FGF14: variants seen among roughly 807,000 people sequenced by gnomAD.
FGF14 encodes fibroblast growth factor 14.
Under a neutral mutation model 25.5 loss-of-function variants are expected in FGF14, and 5 were observed. The ratio of observed to expected loss-of-function variants is 0.20; its 90% CI spans 0.10 to 0.41. The LOEUF (loss-of-function observed/expected upper bound fraction) is 0.41. Among genes scored for constraint, FGF14 ranks in the 10% least tolerant of loss-of-function variants. The pLI is 1.00. For missense variants in FGF14, 222 were observed against 320.1 expected (o/e 0.69, Z 2.34); for synonymous variants, 138 against 118.3 (o/e 1.17, Z -1.08).
intron 1 of FGF14, among the ~76,000 whole-genome samples, chr13:102,120,857 C>T (rs1315743519): frequency 3.3e-5 from 5 of 152,106 alleles, no homozygotes; most frequent in African/African-American, 1.2e-4. Flanking sequence ...GCGCCTGCCA[C>T]CACACCCAGC....
At chr13:102,217,961 T>A (rs963304205) in intron 1 of FGF14, among the ~76,000 whole-genome samples, 1 of 152,106 alleles carries the variant, frequency 6.6e-6, no homozygotes, top group African/African-American at 2.4e-5. Flanking sequence ...GTAAAAAAAA[T>A]ATGCACATAT....
At chr13:101,737,810 T>A (rs895591780) in intron 3 of FGF14, among the ~76,000 whole-genome samples, 4 of 152,158 alleles carry the variant, frequency 2.6e-5, no homozygotes, top group Admixed American at 1.3e-4. Flanking sequence ...TTCAACCACA[T>A]TTTAAATTAG....
At chr13:101,752,700 G>C (rs2037367475) in intron 3 of FGF14, among the ~76,000 whole-genome samples, 1 of 152,072 alleles carries the variant, frequency 6.6e-6, no homozygotes, top group Non-Finnish European at 1.5e-5. Context: ...AGTTCATCAG[G>C]AACTCATGTT....
At chr13:101,767,877 G>C (rs1456345484) in intron 3 of FGF14, among the ~76,000 whole-genome samples, 3 of 152,264 alleles carry the variant, frequency 2.0e-5, no homozygotes, top group South Asian at 2.1e-4. Flanking sequence ...AAATTTTAAA[G>C]TGTGGATTTG....
At chr13:102,261,500 T>C (rs2052713530) in intron 1 of FGF14, among the ~76,000 whole-genome samples, 1 of 152,194 alleles carries the variant, frequency 6.6e-6, no homozygotes, top group Non-Finnish European at 1.5e-5. Flanking sequence ...TAATTATAGC[T>C]CATCAGCACA....
At chr13:101,723,268 A>AACACACAC (rs36111495) in intron 4 of FGF14, among the ~76,000 whole-genome samples, 64 of 150,148 alleles carry the variant, frequency 4.3e-4, no homozygotes, top group Middle Eastern at 3.4e-3. Flanking sequence ...CATGATGTAA[A>AACACACAC]ACACACACAC....
intron 3 of FGF14, among the ~76,000 whole-genome samples, chr13:101,804,480 C>T (rs936209169): frequency 6.6e-6 from 1 of 152,148 alleles, no homozygotes; most frequent in Non-Finnish European, 1.5e-5. Context: ...AGGGAGTTAT[C>T]CTGCATGCTG....
intron 1 of FGF14, among the ~76,000 whole-genome samples, chr13:102,087,410 T>TTTTTTC (rs1555355132): frequency 3.1e-5 from 4 of 129,268 alleles, no homozygotes; most frequent in African/African-American, 1.2e-4. Context: ...GTAATTTCTT[T>TTTTTTC]TTTTTTTTTT....
At chr13:101,883,827 C>T (rs2045844146) in intron 1 of FGF14, among the ~76,000 whole-genome samples, 1 of 151,898 alleles carries the variant, frequency 6.6e-6, no homozygotes, top group Non-Finnish European at 1.5e-5. Context: ...CTTTGGGAGG[C>T]AGAGGCTGGC....
rs1314843513 is a variant in FGF14 at position 102,268,087 on chromosome 13, A to C, written c.208+133384T>G. Among the ~76,000 whole-genome samples the C allele has an allele frequency of 2.0e-5, 3 of 152,200 alleles. No homozygotes were observed. The East Asian group carries it at 5.8e-4, about 29-fold the overall frequency. ...AATCAATAAATGTAAATGGAATAAA[A>C]TTTATTCTGAATAGAAAAGCTGCCA... On this transcript the variant is annotated intron_variant, in intron 1 of 4. Transcript: ENST00000376131.
At chr13:101,914,268 T>C (rs1370143561) in intron 1 of FGF14, among the ~76,000 whole-genome samples, 1 of 151,336 alleles carries the variant, frequency 6.6e-6, no homozygotes, top group Non-Finnish European at 1.5e-5. Context: ...TTACATAACA[T>C]AAAGTCTTAA....
At chr13:102,374,897 A>G (rs1284257703) in intron 1 of FGF14, among the ~76,000 whole-genome samples, 1 of 151,818 alleles carries the variant, frequency 6.6e-6, no homozygotes, top group Non-Finnish European at 1.5e-5. Flanking sequence ...TCATTAAAAT[A>G]CAGGCTTGCT....
rs77590102 is a variant in FGF14 at position 102,226,737 on chromosome 13, T to C, written c.208+174734A>G. Among the ~76,000 whole-genome samples, 1,266 of 152,270 alleles carry C rather than the reference T, an allele frequency of 8.3e-3. 56 individuals carry two copies. In the East Asian group the frequency reaches 0.11, roughly 14 times the overall value. On this transcript the variant is annotated intron_variant, in intron 1 of 4. Transcript: ENST00000376131. ...TCTCTTACAATTACCACTTTGATTA[T>C]GATGGTTCTCAAATCTATGTCTGCA...
At chr13:102,086,793 T>C (rs990976379) in intron 1 of FGF14, among the ~76,000 whole-genome samples, 1 of 152,222 alleles carries the variant, frequency 6.6e-6, no homozygotes, top group Admixed American at 6.5e-5. Flanking sequence ...TAATGTGTGA[T>C]GGAATTTCAA....
chr13:102,401,582 C>A (rs745581655), exon 1 of FGF14: 1 of 1,614,122 alleles, frequency 6.2e-7, no homozygotes, highest in Non-Finnish European at 8.5e-7. Context: ...GAAAAGCAAT[C>A]CAGCAGCTTA....
intron 1 of FGF14, among the ~76,000 whole-genome samples, chr13:102,258,988 GA>G (rs2052585624): frequency 6.6e-6 from 1 of 152,060 alleles, no homozygotes; most frequent in South Asian, 2.1e-4. Context: ...ATTTTTTCTA[GA>G]GAAAAAATTA....
At chr13:102,344,177 A>C (rs1402712597) in intron 1 of FGF14, among the ~76,000 whole-genome samples, 1 of 152,248 alleles carries the variant, frequency 6.6e-6, no homozygotes, top group Non-Finnish European at 1.5e-5. Flanking sequence ...ATATTTTTAA[A>C]ATTACCTCAC....
chr13:102,188,662 G>A (rs937296218), intron 1 of FGF14, among the ~76,000 whole-genome samples: 6 of 152,066 alleles, frequency 3.9e-5, no homozygotes, highest in Non-Finnish European at 8.8e-5. Flanking sequence ...ACAGAGGTCA[G>A]GTGCAGTGGC....
chr13:101,828,493 T>G (rs914576413), intron 3 of FGF14, among the ~76,000 whole-genome samples: 1 of 150,390 alleles, frequency 6.6e-6, no homozygotes, highest in South Asian at 2.1e-4. Context: ...TTTTGCAAGA[T>G]GAGAGAAAGC....
Sources: allele counts gnomAD v4.1 joint callset (sites outside exome capture counted in the v4.1 genomes callset), GRCh38; gene constraint gnomAD v4.1.1; transcripts MANE v1.5; gene names NCBI Gene and HGNC (gene_info 2026-07-23, HGNC 2026-07-21).